CDH9: variants seen among roughly 807,000 people sequenced by gnomAD.
The protein encoded by CDH9 is cadherin 9.
Under a neutral mutation model 70.9 loss-of-function variants are expected in CDH9, and 28 were observed. That is an observed-to-expected ratio of 0.40 (90% confidence interval 0.29 to 0.54). The LOEUF (loss-of-function observed/expected upper bound fraction) is 0.54, where lower values mean the gene tolerates loss of function less well. Ranked by LOEUF, CDH9 falls within the 20% of genes least tolerant of loss-of-function variation. The pLI is 0.59. For synonymous variants in CDH9, 409 were observed against 343.1 expected (o/e 1.19, Z -2.12); for missense variants, 874 against 984.4 (o/e 0.89, Z 1.50).
At chr5:26,914,339 C>T (rs1285061846) in intron 3 of CDH9, among the ~76,000 whole-genome samples, 2 of 151,572 alleles carry the variant, frequency 1.3e-5, no homozygotes, top group African/African-American at 2.4e-5. Context: ...CATATAAACC[C>T]ATTAAAAAAA....
chr5:26,934,442 G>C (rs186629006), intron 2 of CDH9, among the ~76,000 whole-genome samples: 2 of 152,056 alleles, frequency 1.3e-5, no homozygotes, highest in African/African-American at 4.8e-5. Context: ...TCTAGCCTCG[G>C]CTACAGAACA....
chr5:26,961,714 A>G (rs1742037848), intron 2 of CDH9, among the ~76,000 whole-genome samples: 1 of 152,180 alleles, frequency 6.6e-6, no homozygotes, highest in Non-Finnish European at 1.5e-5. Flanking sequence ...ACCAACCTGT[A>G]TGCAATTTTA....
At chr5:27,032,117 AAC>A (rs1743319922) in intron 1 of CDH9, among the ~76,000 whole-genome samples, 2 of 151,828 alleles carry the variant, frequency 1.3e-5, no homozygotes, top group Non-Finnish European at 1.5e-5. Context: ...TATAAATATG[AAC>A]AGACTATTGA....
At chr5:27,030,886 A>G (rs985142403) in intron 1 of CDH9, among the ~76,000 whole-genome samples, 1 of 151,898 alleles carries the variant, frequency 6.6e-6, no homozygotes, top group Non-Finnish European at 1.5e-5. Context: ...TTATATACTT[A>G]GTATATTATT....
At chr5:27,004,995 T>C (rs1193834574) in intron 1 of CDH9, among the ~76,000 whole-genome samples, 2 of 152,078 alleles carry the variant, frequency 1.3e-5, no homozygotes, top group African/African-American at 4.8e-5. Context: ...ATGTTAAAAT[T>C]GAAGTTTGAG....
Position 27,018,562 on chromosome 5 carries a change from T to A in CDH9, c.-50+19901A>T, listed in dbSNP as rs1255760776. 3.9e-5 allele frequency among the ~76,000 whole-genome samples: 6 copies of A among 151,970 alleles called. No homozygotes were observed. The East Asian group carries it at 1.2e-3, about 29-fold the overall frequency. On this transcript the variant is annotated intron_variant, in intron 1 of 11. Transcript: ENST00000231021. ...CATGTAGACATATTCTAAGTGATGGTCCTACGCTTTTTAATGGAGACATCC... is the reference window on the plus strand; with the variant it reads ...CATGTAGACATATTCTAAGTGATGGACCTACGCTTTTTAATGGAGACATCC...
At chr5:26,908,115 C>A (rs1740981288) in intron 3 of CDH9, among the ~76,000 whole-genome samples, 1 of 152,106 alleles carries the variant, frequency 6.6e-6, no homozygotes, top group Non-Finnish European at 1.5e-5. Context: ...ACAATGACAA[C>A]TTGAGCTCAT....
intron 4 of CDH9, 91 bp from the exon 5 acceptor site, chr5:26,906,217 A>G: frequency 9.9e-7 from 1 of 1,007,258 alleles, no homozygotes; most frequent in South Asian, 1.5e-5. Flanking sequence ...AGTTGATTAT[A>G]ACAAACATAA....
At chr5:26,883,408 T>C (rs1020347686) in intron 11 of CDH9, among the ~76,000 whole-genome samples, 2 of 151,712 alleles carry the variant, frequency 1.3e-5, no homozygotes, top group Admixed American at 6.6e-5. Context: ...ATTTCTTAGA[T>C]TGAGGTTATT....
intron 2 of CDH9, among the ~76,000 whole-genome samples, chr5:26,946,656 A>C (rs115754478): frequency 1.5e-3 from 224 of 152,278 alleles, no homozygotes; most frequent in Non-Finnish European, 2.2e-3. Context: ...GGCAGCAAAA[A>C]TCTTATTCTC....
chr5:27,031,055 T>G (rs1405864848), intron 1 of CDH9, among the ~76,000 whole-genome samples: 2 of 151,748 alleles, frequency 1.3e-5, no homozygotes, highest in Non-Finnish European at 2.9e-5. Context: ...TACGTTTAAA[T>G]TTTTCTCACC....
intron 2 of CDH9, among the ~76,000 whole-genome samples, chr5:26,929,021 G>A (rs114288965): frequency 0.015 from 2,232 of 151,932 alleles, 53 homozygotes; most frequent in African/African-American, 0.051. Context: ...AAGCATCTGT[G>A]CAGCAAAAGA....
chr5:26,951,372 A>G (rs1459557969), intron 2 of CDH9, among the ~76,000 whole-genome samples: 1 of 151,866 alleles, frequency 6.6e-6, no homozygotes, highest in Non-Finnish European at 1.5e-5. Context: ...AGATGTCCTA[A>G]AAACAAACTA....
chr5:26,974,159 G>A (rs141379817), intron 2 of CDH9, among the ~76,000 whole-genome samples: 3 of 152,164 alleles, frequency 2.0e-5, no homozygotes, highest in East Asian at 1.9e-4. Flanking sequence ...CTAGAGAATC[G>A]CTTGAACCTG....
intron 1 of CDH9, among the ~76,000 whole-genome samples, chr5:27,002,868 T>C (rs1742795210): frequency 6.6e-6 from 1 of 151,698 alleles, no homozygotes; most frequent in Non-Finnish European, 1.5e-5. Context: ...TGTACACATA[T>C]ATAACAAACC....
chr5:26,908,798 T>A (rs910968403), intron 3 of CDH9, among the ~76,000 whole-genome samples: 1 of 152,118 alleles, frequency 6.6e-6, no homozygotes, highest in African/African-American at 2.4e-5. Flanking sequence ...CTGGTAATAA[T>A]TAAGAATGCT....
Position 26,915,903 on chromosome 5 carries a change from C to T in CDH9, c.250G>A (p.Gly84Arg). ...AGTATGTATTTTAAATTTCCATCTC[C>T]TTTATCTTGGTCAGTGTGAAGCTTT... ...VGKLHTDQDK[G>R]DGNLKYILTG... Residue 84 changes from glycine (G) to arginine (R), a missense_variant, in exon 3 of 12, where the codon GGA (glycine) becomes AGA (arginine). Physicochemically the swap from Gly to Arg is moderately radical, Grantham distance 125. Coordinates refer to ENST00000231021, the MANE Select transcript of CDH9 (RefSeq NM_016279.4). 1 of 1,610,214 alleles carries T rather than the reference C, an allele frequency of 6.2e-7. No homozygotes were observed. The highest frequency in any genetic ancestry group is 8.5e-7 in the Non-Finnish European group (1 of 1,177,270).
intron 1 of CDH9, among the ~76,000 whole-genome samples, chr5:26,990,266 C>G (rs1273400989): frequency 6.6e-6 from 1 of 152,144 alleles, no homozygotes; most frequent in Non-Finnish European, 1.5e-5. Context: ...ATTATAGATT[C>G]TTGCTATGGT....
chr5:26,924,003 G>GA (rs1561196594), intron 2 of CDH9, among the ~76,000 whole-genome samples: 1 of 151,552 alleles, frequency 6.6e-6, no homozygotes, highest in African/African-American at 2.4e-5. Context: ...AAAAGCAAGA[G>GA]AAAACCAAGC....
Sources: allele counts gnomAD v4.1 joint callset (sites outside exome capture counted in the v4.1 genomes callset), GRCh38; gene constraint gnomAD v4.1.1; transcripts MANE v1.5; gene names NCBI Gene and HGNC (gene_info 2026-07-23, HGNC 2026-07-21).